The following PTK2B variants were observed in gnomAD, a reference collection of about 807,000 sequenced individuals.
PTK2B encodes protein-tyrosine kinase 2-beta.
PTK2B carries 71 observed loss-of-function variants against 142.9 expected under a neutral mutation model. The observed-to-expected ratio is 0.50, with a 90% CI of 0.41 to 0.61. The LOEUF is 0.61. PTK2B is among the 20% of genes least tolerant of loss of function. The probability of loss-of-function intolerance (pLI) is 0.00; values close to 1 mark genes in which losing one functional copy is unlikely to be tolerated. For missense variants in PTK2B, 1,105 were observed against 1,320.4 expected (o/e 0.84, Z 2.53); for synonymous variants, 519 against 503.4 (o/e 1.03, Z -0.42).
At chr8:27,438,275 T>C (rs1810919456) in intron 18 of PTK2B, among the ~76,000 whole-genome samples, 1 of 151,920 alleles carries the variant, frequency 6.6e-6, no homozygotes, top group Non-Finnish European at 1.5e-5. Flanking sequence ...GATCCTGGGG[T>C]CCTAGGCCAG....
intron 1 of PTK2B, among the ~76,000 whole-genome samples, chr8:27,387,529 T>C (rs1367341701): frequency 1.3e-5 from 2 of 152,318 alleles, no homozygotes; most frequent in African/African-American, 2.4e-5. Context: ...TCTTTGGTTT[T>C]AGGGGTCTGC....
rs560694260 is a variant in PTK2B, at chr8:27,344,164, C to T, written c.-38+18483C>T. ...ACACCCCTCAGCCCATGTATTTGTG[C>T]GCCCTCTCCCACTTCTCTCTCCCCA... On this transcript the variant is annotated intron_variant, in intron 1 of 30. Transcript: ENST00000346049. Among the ~76,000 whole-genome samples, 18 of 152,152 alleles carry T rather than the reference C, an allele frequency of 1.2e-4. No individual in the cohort carries two copies. The East Asian group carries it at 2.5e-3, about 21-fold the overall frequency.
chr8:27,416,241 A>G (rs1809396043), intron 2 of PTK2B, among the ~76,000 whole-genome samples: 1 of 152,254 alleles, frequency 6.6e-6, no homozygotes, highest in Admixed American at 6.5e-5. Flanking sequence ...GGGATGGGGA[A>G]CAGCGGAAGA....
intron 5 of PTK2B, among the ~76,000 whole-genome samples, chr8:27,427,655 C>T (rs1285614222): frequency 6.6e-6 from 1 of 152,154 alleles, no homozygotes; most frequent in Non-Finnish European, 1.5e-5. Flanking sequence ...CTATAATCAC[C>T]CAGAGGTGTC....
intron 1 of PTK2B, among the ~76,000 whole-genome samples, chr8:27,375,030 G>A (rs1806582421): frequency 2.0e-5 from 3 of 152,206 alleles, no homozygotes; most frequent in Non-Finnish European, 4.4e-5. Context: ...GAACCAACTT[G>A]ATTAGTCTCA....
chr8:27,400,111 A>G (rs1447820639), intron 2 of PTK2B, among the ~76,000 whole-genome samples: 1 of 152,230 alleles, frequency 6.6e-6, no homozygotes. Flanking sequence ...CAAATAAAGA[A>G]GTAATATGAT....
chr8:27,343,092 G>C (rs894090692), intron 1 of PTK2B, among the ~76,000 whole-genome samples: 1 of 152,130 alleles, frequency 6.6e-6, no homozygotes, highest in Non-Finnish European at 1.5e-5. Context: ...ATCGCTCAGG[G>C]ATCTACCACC....
At chr8:27,437,270 G>A in intron 16 of PTK2B, 64 bp downstream of exon 16, 1 of 1,563,616 alleles carries the variant, frequency 6.4e-7, no homozygotes, top group Non-Finnish European at 8.8e-7. Context: ...GGAAGAGAGG[G>A]GTGAACAGTG....
At chr8:27,313,563 T>C (rs1275792754) in intron 3 of PTK2B, among the ~76,000 whole-genome samples, 2 of 152,162 alleles carry the variant, frequency 1.3e-5, no homozygotes, top group Non-Finnish European at 2.9e-5. Context: ...TGCTGCCCTC[T>C]CCCTTCATTC....
At chr8:27,446,733 A>G (rs1219881127) in intron 24 of PTK2B, among the ~76,000 whole-genome samples, 1 of 152,216 alleles carries the variant, frequency 6.6e-6, no homozygotes, top group Admixed American at 6.5e-5. Context: ...CATGACTAAA[A>G]TATTTTTTGA....
intron 1 of PTK2B, among the ~76,000 whole-genome samples, chr8:27,367,888 C>T (rs1473174689): frequency 1.3e-5 from 2 of 152,224 alleles, no homozygotes; most frequent in Non-Finnish European, 2.9e-5. Context: ...ACCCAAACAC[C>T]TCCCACCAGG....
At chr8:27,440,142 C>G in intron 20 of PTK2B, 95 bp from the exon 21 acceptor site, 1 of 1,307,770 alleles carries the variant, frequency 7.6e-7, no homozygotes, top group Non-Finnish European at 1.1e-6. Flanking sequence ...GCAGGAGCTG[C>G]TCCTGGTGGA....
At chr8:27,457,902 G>A (rs942531063) in intron 30 of PTK2B, among the ~76,000 whole-genome samples, 1 of 149,274 alleles carries the variant, frequency 6.7e-6, no homozygotes, top group Non-Finnish European at 1.5e-5. Context: ...TTGAACCCAG[G>A]AGGCGGGCAT....
chr8:27,397,278 G>A (rs760476667), intron 1 of PTK2B, among the ~76,000 whole-genome samples: 1 of 152,208 alleles, frequency 6.6e-6, no homozygotes. Context: ...GGAGGAATGG[G>A]TCAGAGAGAG....
At chr8:27,437,701 C>T (rs549749837) in intron 17 of PTK2B, 64 bp from the exon 18 acceptor site, 3 of 1,488,898 alleles carry the variant, frequency 2.0e-6, no homozygotes, top group African/African-American at 1.4e-5. Flanking sequence ...TGCCAGCACC[C>T]TGGTCCCCTG....
intron 25 of PTK2B, 43 bp from the exon 26 acceptor site, chr8:27,451,000 C>G: frequency 6.2e-7 from 1 of 1,609,718 alleles, no homozygotes; most frequent in Non-Finnish European, 8.5e-7. Context: ...GTGCTTTCAG[C>G]TCCAGAATTC....
Position 27,437,159 on chromosome 8 carries a change from A to C in PTK2B, c.1379A>C (p.Lys460Thr), listed in dbSNP as rs1200813418. Residue 460 changes from lysine (K) to threonine (T), a missense_variant, in exon 16 of 31, where the codon AAG becomes ACG. Coordinates refer to ENST00000346049, the MANE Select transcript of PTK2B (RefSeq NM_173176.3). Reference sequence around the variant, plus strand: ...ATCAATGTAGCTGTCAAGACCTGCAAGAAAGACTGCACTCTGGACAACAAG... The same window carrying C: ...ATCAATGTAGCTGTCAAGACCTGCACGAAAGACTGCACTCTGGACAACAAG... ...EKINVAVKTC[K>T]KDCTLDNKEK... The C allele has an allele frequency of 6.2e-7, 1 of 1,613,972 alleles. No individual in the cohort carries two copies. The highest frequency in any genetic ancestry group is 8.5e-7 in the Non-Finnish European group (1 of 1,179,998).
intron 3 of PTK2B, among the ~76,000 whole-genome samples, chr8:27,313,751 C>A (rs1803034113): frequency 6.6e-6 from 1 of 152,332 alleles, no homozygotes; most frequent in South Asian, 2.1e-4. Flanking sequence ...CATGCCCAAG[C>A]TCACTCACCC....
At chr8:27,324,886 A>G (rs1803323289), upstream of PTK2B, among the ~76,000 whole-genome samples, 1 of 152,172 alleles carries the variant, frequency 6.6e-6, no homozygotes, top group Admixed American at 6.5e-5. Flanking sequence ...GCCTGCTCAC[A>G]TATCACCGGC....
Sources: gnomAD v4.1 joint callset for allele counts (sites outside exome capture counted in the v4.1 genomes callset) on GRCh38, gnomAD v4.1.1 for gene constraint, MANE v1.5 for transcripts, NCBI Gene and HGNC (gene_info 2026-07-23, HGNC 2026-07-21) for gene names.